The following TRARG1 variants were observed in gnomAD, a reference collection of about 807,000 sequenced individuals.
The protein encoded by TRARG1 is trafficking regulator of GLUT4 1.
A neutral mutation model predicts 13.3 loss-of-function variants in TRARG1; 16 were observed. The ratio of observed to expected loss-of-function variants is 1.20; its 90% CI spans 0.81 to 1.83. The LOEUF (loss-of-function observed/expected upper bound fraction) is 1.83. TRARG1 is among the 40% of genes most tolerant of loss of function. The probability of loss-of-function intolerance (pLI) is 0.00; values close to 1 mark genes in which losing one functional copy is unlikely to be tolerated. For missense variants in TRARG1, 250 were observed against 237.4 expected (o/e 1.05, Z -0.35); for synonymous variants, 113 against 106.2 (o/e 1.06, Z -0.39).
At chr17:1,282,633 G>T (rs11078515) in intron 1 of TRARG1, among the ~76,000 whole-genome samples, 3 of 150,746 alleles carry the variant, frequency 2.0e-5, no homozygotes, top group African/African-American at 7.3e-5. Flanking sequence ...CCTCCGAAAG[G>T]GCTGGGATTA....
intron 1 of TRARG1, among the ~76,000 whole-genome samples, chr17:1,291,285 A>G (rs1348019583): frequency 1.3e-5 from 2 of 151,676 alleles, no homozygotes; most frequent in East Asian, 3.9e-4. Context: ...TAATTTTTGT[A>G]TTTTTAGTGG....
chr17:1,296,976 C>T, intron 2 of TRARG1, among the ~76,000 whole-genome samples: 1 of 152,122 alleles, frequency 6.6e-6, no homozygotes, highest in East Asian at 1.9e-4. Context: ...TGACTCTCTG[C>T]TGTTCAAGAA....
rs73285325 is a variant in TRARG1, at chr17:1,286,133, A to G, written c.387+5745A>G. Among the ~76,000 whole-genome samples, 663 of 152,306 alleles carry G rather than the reference A, an allele frequency of 4.4e-3. 5 individuals carry two copies. Among genetic ancestry groups the G allele is most frequent in the African/African-American group, 0.015 (632 of 41,574 alleles). Reference sequence around the variant, plus strand: ...CCCTGTCCCTGGCAGCCTGAAGGAGAGGCCGTGAGGGCAGAGGCCGATGGA... The same window carrying G: ...CCCTGTCCCTGGCAGCCTGAAGGAGGGGCCGTGAGGGCAGAGGCCGATGGA... On this transcript the variant is annotated intron_variant, in intron 1 of 2. Transcript: ENST00000333813.
chr17:1,294,614 A>C lies in TRARG1; in HGVS notation c.388-877A>C, dbSNP rs190334457. On this transcript the variant is annotated intron_variant, in intron 1 of 2. Coordinates refer to ENST00000333813, the MANE Select transcript of TRARG1 (RefSeq NM_172367.3). Reference sequence around the variant, plus strand: ...CCTGAGTAGCTGGGACTACAGGTGCACACCACCATGCCCAGCTAATTTTTG... The same window carrying C: ...CCTGAGTAGCTGGGACTACAGGTGCCCACCACCATGCCCAGCTAATTTTTG... Among the ~76,000 whole-genome samples the C allele has an allele frequency of 3.1e-3, 463 of 148,144 alleles. 6 individuals are homozygous for C. The highest frequency in any genetic ancestry group is 1.8e-3 in the Non-Finnish European group (119 of 67,234).
intron 1 of TRARG1, among the ~76,000 whole-genome samples, chr17:1,284,387 A>G (rs1376996901): frequency 6.6e-6 from 1 of 151,960 alleles, no homozygotes; most frequent in Non-Finnish European, 1.5e-5. Context: ...AGCCGAGAGG[A>G]GTGTGGTTGG....
At chr17:1,289,867 TCC>T (rs1258864603) in intron 1 of TRARG1, among the ~76,000 whole-genome samples, 1 of 151,912 alleles carries the variant, frequency 6.6e-6, no homozygotes, top group African/African-American at 2.4e-5. Context: ...TCTTCCTGAG[TCC>T]CAGCTGGAGG....
In TRARG1 at chr17:1,280,521, C is replaced by T. The variant is rs538139624; in HGVS notation, c.387+133C>T. 2.3e-5 allele frequency: 23 copies of T among 1,011,130 alleles called. No individual in the cohort carries two copies. The East Asian group carries it at 5.6e-4, about 25-fold the overall frequency. 62.6% of individuals were successfully genotyped at this position (1,011,130 alleles called of 1,614,324 possible). A position where few individuals can be genotyped will look rare whatever the true frequency, so the allele number is the denominator to read the frequency against. ...GGGAGTGGGGGGCTTGGGGAAGACTCCTTTCCTCACTGGCCTCCTCCTTCC... is the reference window on the plus strand; with the variant it reads ...GGGAGTGGGGGGCTTGGGGAAGACTTCTTTCCTCACTGGCCTCCTCCTTCC... On this transcript the variant is annotated intron_variant, in intron 1 of 2. Coordinates refer to ENST00000333813, the MANE Select transcript of TRARG1 (RefSeq NM_172367.3).
chr17:1,288,704 A>C (rs894470199), intron 1 of TRARG1, among the ~76,000 whole-genome samples: 15 of 10,276 alleles, frequency 1.5e-3, no homozygotes, highest in Non-Finnish European at 2.4e-3. Context: ...CTCATCCCCC[A>C]CCGGGTTCCC....
intron 1 of TRARG1, among the ~76,000 whole-genome samples, chr17:1,282,139 T>C (rs370739801): frequency 8.9e-6 from 1 of 111,958 alleles, no homozygotes; most frequent in African/African-American, 3.8e-5. Flanking sequence ...TATACACGCA[T>C]ATATGTACGT....
intron 1 of TRARG1, among the ~76,000 whole-genome samples, chr17:1,282,313 T>TATATATGTAC (rs146058372): frequency 1.7e-5 from 2 of 116,926 alleles, no homozygotes; most frequent in African/African-American, 5.4e-5. Context: ...TACATATGCG[T>TATATATGTAC]ATATATGTAC....
chr17:1,283,402 CTTTGT>C (rs1192665368), intron 1 of TRARG1, among the ~76,000 whole-genome samples: 1 of 152,152 alleles, frequency 6.6e-6, no homozygotes, highest in East Asian at 1.9e-4. Flanking sequence ...TTAGAAATGG[CTTTGT>C]TGAGATATAA....
chr17:1,291,090 G>C (rs1396926060), intron 1 of TRARG1, among the ~76,000 whole-genome samples: 3 of 152,014 alleles, frequency 2.0e-5, no homozygotes, highest in Admixed American at 6.6e-5. Flanking sequence ...GTATTTAGTA[G>C]AGACGGGGTT....
chr17:1,286,767 T>C (rs72816265), intron 1 of TRARG1, among the ~76,000 whole-genome samples: 42,330 of 141,788 alleles, frequency 0.3, 7,239 homozygotes, highest in African/African-American at 0.47. Context: ...TATCAGCCTG[T>C]GGGGTGTTAT....
chr17:1,294,400 C>T (rs546034241), intron 1 of TRARG1, among the ~76,000 whole-genome samples: 11 of 151,518 alleles, frequency 7.3e-5, no homozygotes, highest in East Asian at 5.8e-4. Flanking sequence ...TTGTGTGATC[C>T]GGGAAGTGGG....
At chr17:1,298,126 G>A (rs2072125670) in intron 2 of TRARG1, 125 bp from the exon 3 acceptor site, 2 of 1,157,400 alleles carry the variant, frequency 1.7e-6, no homozygotes, top group Non-Finnish European at 2.5e-6. Flanking sequence ...CCAAGCCTTA[G>A]CCTTCTCCCC....
At chr17:1,286,479 A>G (rs1025254314) in intron 1 of TRARG1, among the ~76,000 whole-genome samples, 111 of 125,676 alleles carry the variant, frequency 8.8e-4, no homozygotes, top group African/African-American at 3.0e-3. Flanking sequence ...TGATGTTATC[A>G]GCCTGTGGGG....
rs970975418 is a variant in TRARG1, at chr17:1,279,753, A to C, written c.-249A>C. ...AGCAAAGTTGGCCTCAAACTTGAAC[A>C]AAGCTGCAGGCTCCAGCGTCTTTCT... On this transcript the variant is annotated 5_prime_UTR_variant, in exon 1 of 3. Coordinates refer to ENST00000333813, the MANE Select transcript of TRARG1 (RefSeq NM_172367.3). 8.5e-6 allele frequency: 4 copies of C among 472,620 alleles called. No homozygotes were observed. The Admixed American group carries it at 1.5e-4, about 17-fold the overall frequency. The allele number at this position is 472,620 out of a possible 1,614,324, so 29.3% of individuals were successfully genotyped here. A position where few individuals can be genotyped will look rare whatever the true frequency, so the allele number is the denominator to read the frequency against.
At chr17:1,289,544 G>A (rs1015923584) in intron 1 of TRARG1, among the ~76,000 whole-genome samples, 1 of 150,064 alleles carries the variant, frequency 6.7e-6, no homozygotes, top group Non-Finnish European at 1.5e-5. Flanking sequence ...GACCTATGCC[G>A]GACACGGCAC....
chr17:1,292,501 GC>G, intron 1 of TRARG1, among the ~76,000 whole-genome samples: 1 of 152,040 alleles, frequency 6.6e-6, no homozygotes, highest in East Asian at 1.9e-4. Context: ...CCACCTCTGT[GC>G]CTCCCCATCC....
Sources: gnomAD v4.1 joint callset for allele counts (sites outside exome capture counted in the v4.1 genomes callset) on GRCh38, gnomAD v4.1.1 for gene constraint, MANE v1.5 for transcripts, NCBI Gene and HGNC (gene_info 2026-07-23, HGNC 2026-07-21) for gene names.